ADGRB3: variants seen among roughly 807,000 people sequenced by gnomAD.
ADGRB3 encodes adhesion G protein-coupled receptor B3.
A neutral mutation model predicts 193.4 loss-of-function variants in ADGRB3; 37 were observed. The ratio of observed to expected loss-of-function variants is 0.19; its 90% CI spans 0.15 to 0.25. The LOEUF (loss-of-function observed/expected upper bound fraction) is 0.25, where lower values mean the gene tolerates loss of function less well. Ranked by LOEUF, ADGRB3 falls within the 10% of genes least tolerant of loss-of-function variation. ADGRB3 has a pLI of 1.00. For synonymous variants in ADGRB3, 690 were observed against 644.2 expected (o/e 1.07, Z -1.08); for missense variants, 1,637 against 1,852.9 (o/e 0.88, Z 2.14).
intron 3 of ADGRB3, among the ~76,000 whole-genome samples, chr6:68,740,297 G>T (rs758941274): frequency 1.3e-4 from 20 of 152,158 alleles, no homozygotes; most frequent in Non-Finnish European, 2.5e-4. Flanking sequence ...GGTGGCATAG[G>T]CCATAACTCC....
chr6:68,865,244 A>T (rs1562062368), intron 3 of ADGRB3, among the ~76,000 whole-genome samples: 2 of 151,642 alleles, frequency 1.3e-5, no homozygotes, highest in Non-Finnish European at 1.5e-5. Flanking sequence ...TATAATATAC[A>T]TTTTTTTTCT....
intron 17 of ADGRB3, among the ~76,000 whole-genome samples, chr6:69,083,098 T>C (rs558604663): frequency 5.8e-4 from 89 of 152,296 alleles, no homozygotes; most frequent in African/African-American, 2.0e-3. Flanking sequence ...GGAAAGTTGA[T>C]CTGAAAAAAA....
intron 20 of ADGRB3, among the ~76,000 whole-genome samples, chr6:69,242,282 G>A (rs1212637543): frequency 6.6e-6 from 1 of 151,774 alleles, no homozygotes; most frequent in African/African-American, 2.4e-5. Context: ...TTTTATTTTG[G>A]TTTTGTATAG....
intron 13 of ADGRB3, among the ~76,000 whole-genome samples, chr6:69,033,448 CTCTG>C (rs1770771151): frequency 3.9e-5 from 6 of 152,118 alleles, no homozygotes; most frequent in Non-Finnish European, 7.4e-5. Flanking sequence ...TTGCTACATT[CTCTG>C]AAATTTATAA....
intron 3 of ADGRB3, among the ~76,000 whole-genome samples, chr6:68,692,316 T>G (rs1191935121): frequency 6.6e-6 from 1 of 151,894 alleles, no homozygotes; most frequent in African/African-American, 2.4e-5. Context: ...AGGAAGTTAA[T>G]TTCGTGTTTA....
At chr6:69,278,465 C>A (rs1432590347) in intron 20 of ADGRB3, among the ~76,000 whole-genome samples, 7 of 152,122 alleles carry the variant, frequency 4.6e-5, no homozygotes, top group Non-Finnish European at 1.0e-4. Flanking sequence ...CCTCTGTTAT[C>A]TTGTACATTA....
chr6:68,782,783 G>T (rs1034422664), intron 3 of ADGRB3, among the ~76,000 whole-genome samples: 1 of 152,038 alleles, frequency 6.6e-6, no homozygotes, highest in Admixed American at 6.6e-5. Flanking sequence ...TTTGAGAAGT[G>T]TCTGTTCATA....
intron 29 of ADGRB3, among the ~76,000 whole-genome samples, chr6:69,371,021 T>A (rs930209678): frequency 1.3e-5 from 2 of 152,084 alleles, no homozygotes; most frequent in African/African-American, 4.8e-5. Flanking sequence ...GCTGAGGTGC[T>A]GTTGGAGACA....
intron 3 of ADGRB3, among the ~76,000 whole-genome samples, chr6:68,836,205 A>G (rs1768043423): frequency 1.3e-5 from 2 of 152,164 alleles, no homozygotes; most frequent in East Asian, 3.9e-4. Flanking sequence ...CTACCCTTTG[A>G]TAAATGACTC....
intron 3 of ADGRB3, among the ~76,000 whole-genome samples, chr6:68,886,498 G>T (rs1163968803): frequency 6.6e-6 from 1 of 152,002 alleles, no homozygotes; most frequent in African/African-American, 2.4e-5. Context: ...TTCACTAACA[G>T]CTTTCCAATA....
chr6:69,382,820 CT>C lies in ADGRB3; in HGVS notation c.4276-5del. 6.3e-7 allele frequency: 1 copy of C among 1,577,652 alleles called. No homozygotes were observed. Among genetic ancestry groups the C allele is most frequent in the African/African-American group, 1.4e-5 (1 of 73,128 alleles). On this transcript the variant is annotated splice_polypyrimidine_tract_variant and intron_variant, in intron 30 of 31. Transcript: ENST00000370598. ...AGTTGGGGATGAGAGCTATCTTGTT[CT>C]TTTTTGCAGAAGGTCATGCATACAA...
chr6:68,676,389 C>CA (rs70987431), intron 3 of ADGRB3, among the ~76,000 whole-genome samples: 6,425 of 84,062 alleles, frequency 0.076, 295 homozygotes, highest in African/African-American at 0.15. Flanking sequence ...GACTCTGTCT[C>CA]AAAAAAAAAA....
intron 20 of ADGRB3, among the ~76,000 whole-genome samples, chr6:69,256,872 T>C (rs371625407): frequency 2.0e-5 from 3 of 152,180 alleles, no homozygotes; most frequent in Non-Finnish European, 4.4e-5. Context: ...TTTTGAGATA[T>C]GTCCCATCAA....
chr6:69,100,821 GGAAA>G (rs1773011396), intron 17 of ADGRB3, among the ~76,000 whole-genome samples: 2 of 131,354 alleles, frequency 1.5e-5, no homozygotes, highest in African/African-American at 2.9e-5. Flanking sequence ...AAGGAAGGAA[GGAAA>G]GAAGGAAGGA....
At chr6:68,907,046 A>T (rs981294278) in intron 3 of ADGRB3, among the ~76,000 whole-genome samples, 1 of 151,988 alleles carries the variant, frequency 6.6e-6, no homozygotes, top group Non-Finnish European at 1.5e-5. Context: ...ATACAAAAGG[A>T]TAACAGTAAG....
At chr6:69,116,716 A>C (rs1773542955) in intron 17 of ADGRB3, among the ~76,000 whole-genome samples, 1 of 152,256 alleles carries the variant, frequency 6.6e-6, no homozygotes, top group Admixed American at 6.5e-5. Flanking sequence ...GTGCTAGGGT[A>C]AGAAGAAAGT....
At chr6:68,651,693 T>C (rs1248170783) in intron 3 of ADGRB3, among the ~76,000 whole-genome samples, 1 of 152,070 alleles carries the variant, frequency 6.6e-6, no homozygotes, top group Non-Finnish European at 1.5e-5. Flanking sequence ...CCTTTTTTTC[T>C]AAATGGAAGC....
At chr6:69,177,795 C>T (rs1775467488) in intron 17 of ADGRB3, among the ~76,000 whole-genome samples, 1 of 152,162 alleles carries the variant, frequency 6.6e-6, no homozygotes, top group African/African-American at 2.4e-5. Context: ...CATGGTCTGA[C>T]AGTATGATTG....
chr6:69,072,915 A>G (rs1772117502), intron 16 of ADGRB3, among the ~76,000 whole-genome samples: 1 of 152,198 alleles, frequency 6.6e-6, no homozygotes, highest in African/African-American at 2.4e-5. Flanking sequence ...ATCTTATAAG[A>G]TAGAGAAGAA....
Sources: allele counts gnomAD v4.1 joint callset (sites outside exome capture counted in the v4.1 genomes callset), GRCh38; gene constraint gnomAD v4.1.1; transcripts MANE v1.5; gene names NCBI Gene and HGNC (gene_info 2026-07-23, HGNC 2026-07-21).